PPP1R9A: variants seen among roughly 807,000 people sequenced by gnomAD.
PPP1R9A encodes protein phosphatase 1 regulatory subunit 9A.
PPP1R9A carries 59 observed loss-of-function variants against 141.9 expected under a neutral mutation model. That is an observed-to-expected ratio of 0.42 (90% confidence interval 0.34 to 0.52). PPP1R9A has a LOEUF of 0.52. Ranked by LOEUF, PPP1R9A falls within the 20% of genes least tolerant of loss-of-function variation. The pLI, the probability that PPP1R9A is intolerant of heterozygous loss-of-function variation, is 0.10. For missense variants in PPP1R9A, 1,444 were observed against 1,611.9 expected, an observed-to-expected ratio of 0.90 and a Z score of 1.78; for synonymous variants, 500 against 569.7, an observed-to-expected ratio of 0.88 and a Z score of 1.74.
At chr7:95,050,316 T>G (rs997956374) in intron 2 of PPP1R9A, among the ~76,000 whole-genome samples, 7 of 152,064 alleles carry the variant, frequency 4.6e-5, no homozygotes, top group Admixed American at 2.0e-4. Context: ...TCAAATTGAT[T>G]GTTTTGTTAT....
chr7:95,133,225 A>G (rs1824977194), intron 4 of PPP1R9A, among the ~76,000 whole-genome samples: 2 of 152,094 alleles, frequency 1.3e-5, no homozygotes. Flanking sequence ...AATTGGTTAA[A>G]AGGCATCAAG....
chr7:95,091,337 C>A (rs1337108247), intron 2 of PPP1R9A, among the ~76,000 whole-genome samples: 2 of 75,986 alleles, frequency 2.6e-5, no homozygotes, highest in Non-Finnish European at 4.8e-5. Context: ...TGTTTTAACT[C>A]TTTTTTTTTT....
At chr7:95,106,503 C>T (rs1819534160) in intron 2 of PPP1R9A, among the ~76,000 whole-genome samples, 1 of 152,116 alleles carries the variant, frequency 6.6e-6, no homozygotes, top group Non-Finnish European at 1.5e-5. Flanking sequence ...AGATATACAT[C>T]TCTTCAATCA....
chr7:95,276,910 A>C (rs1160017997), intron 16 of PPP1R9A, among the ~76,000 whole-genome samples: 1 of 152,170 alleles, frequency 6.6e-6, no homozygotes, highest in African/African-American at 2.4e-5. Flanking sequence ...TATAAAACCT[A>C]TCCCAGGAAG....
At chr7:95,097,838 A>C (rs1818246316) in intron 2 of PPP1R9A, among the ~76,000 whole-genome samples, 1 of 152,196 alleles carries the variant, frequency 6.6e-6, no homozygotes, top group African/African-American at 2.4e-5. Flanking sequence ...GGGTCAACCA[A>C]AGAAGCACCG....
chr7:95,096,840 A>T (rs532137995), intron 2 of PPP1R9A, among the ~76,000 whole-genome samples: 1 of 151,866 alleles, frequency 6.6e-6, no homozygotes, highest in East Asian at 1.9e-4. Flanking sequence ...ACTACCCCCA[A>T]CCCGCCTTAT....
intron 2 of PPP1R9A, among the ~76,000 whole-genome samples, chr7:94,917,991 G>A (rs1330995775): frequency 2.0e-5 from 3 of 151,926 alleles, no homozygotes; most frequent in Non-Finnish European, 4.4e-5. Context: ...GTTAGATGTG[G>A]GATAAATTCT....
At chr7:95,076,881 C>T (rs1814933062) in intron 2 of PPP1R9A, among the ~76,000 whole-genome samples, 1 of 151,984 alleles carries the variant, frequency 6.6e-6, no homozygotes, top group Non-Finnish European at 1.5e-5. Flanking sequence ...AGTTACACTG[C>T]TAATCTTTTC....
At position 95,088,363 on chromosome 7, in the gene PPP1R9A, AT is replaced by A. The variant is rs542084732; in HGVS notation, c.1396-22886del. Among the ~76,000 whole-genome samples, 46 of 149,524 alleles carry A rather than the reference AT, an allele frequency of 3.1e-4. 1 individual carries two copies. Among genetic ancestry groups the A allele is most frequent in the East Asian group, 2.2e-3 (11 of 5,112 alleles). Reference sequence around the variant, plus strand: ...TGGTGGTACCCTTATAGGAGACTCCATTTTTTTTTTAAAGGACCATGGTGTT... The same window carrying A: ...TGGTGGTACCCTTATAGGAGACTCCATTTTTTTTTAAAGGACCATGGTGTT... On this transcript the variant is annotated intron_variant, in intron 2 of 19. Coordinates refer to ENST00000433360, the MANE Select transcript of PPP1R9A (RefSeq NM_001166160.2).
intron 2 of PPP1R9A, among the ~76,000 whole-genome samples, chr7:94,942,586 T>G (rs546562080): frequency 1.5e-3 from 221 of 152,172 alleles, no homozygotes; most frequent in African/African-American, 4.2e-3. Flanking sequence ...GTGGATCACC[T>G]GAAGTCAGGA....
chr7:95,133,509 C>T (rs1009818320), intron 4 of PPP1R9A, among the ~76,000 whole-genome samples: 6 of 59,448 alleles, frequency 1.0e-4, no homozygotes, highest in Non-Finnish European at 1.6e-4. Flanking sequence ...ATTATGCAGT[C>T]GTATTATATA....
intron 6 of PPP1R9A, chr7:95,202,702 T>A (rs1563408985): frequency 2.4e-6 from 1 of 412,608 alleles, no homozygotes; most frequent in Admixed American, 6.4e-5. Flanking sequence ...ACTCCACCAC[T>A]ATCAGTTTGT....
At chr7:95,276,350 T>C (rs1244775528) in intron 16 of PPP1R9A, among the ~76,000 whole-genome samples, 1 of 152,202 alleles carries the variant, frequency 6.6e-6, no homozygotes, top group African/African-American at 2.4e-5. Context: ...ATTGTGTTGG[T>C]GAGTGCCTGC....
chr7:95,029,910 G>A (rs1442086582), intron 2 of PPP1R9A, among the ~76,000 whole-genome samples: 1 of 152,190 alleles, frequency 6.6e-6, no homozygotes, highest in Non-Finnish European at 1.5e-5. Context: ...AAGTTTACAT[G>A]TTATTGTTTT....
At position 95,203,721 on chromosome 7, in the gene PPP1R9A, T is replaced by G; in HGVS notation, c.1947T>G (p.Tyr649Ter). ...MSGNCNNNNN[Y>*]FLKTGEYATD... is the part of the protein sequence containing the mutation. ...GCAACTGCAATAACAATAACAACTA[T>G]TTTCTTAAGGTTTGTTTTTTGGTTT... Residue 649 changes from tyrosine (Y) to a stop codon, truncating the protein, a stop_gained, in exon 7 of 20, where the codon TAT (tyrosine) becomes TAG (stop). Transcript: ENST00000433360. LOFTEE classifies it high-confidence loss of function. The G allele has an allele frequency of 6.5e-7, 1 of 1,535,874 alleles. No homozygotes were observed. Among genetic ancestry groups the G allele is most frequent in the South Asian group, 1.2e-5 (1 of 83,922 alleles).
At chr7:94,924,313 T>C (rs979758112) in intron 2 of PPP1R9A, among the ~76,000 whole-genome samples, 11 of 152,202 alleles carry the variant, frequency 7.2e-5, no homozygotes, top group African/African-American at 2.7e-4. Context: ...CCATAGAGAC[T>C]ATGACACTTG....
chr7:95,236,406 C>T (rs539864162), intron 8 of PPP1R9A, among the ~76,000 whole-genome samples: 2 of 151,936 alleles, frequency 1.3e-5, no homozygotes, highest in South Asian at 4.2e-4. Flanking sequence ...TTTTAAGTAC[C>T]TTTCATAATA....
intron 2 of PPP1R9A, among the ~76,000 whole-genome samples, chr7:95,107,394 G>T (rs1392582870): frequency 6.6e-6 from 1 of 151,850 alleles, no homozygotes; most frequent in East Asian, 1.9e-4. Flanking sequence ...AAGTTTTTGG[G>T]CTTTATTTTT....
intron 7 of PPP1R9A, among the ~76,000 whole-genome samples, chr7:95,221,533 A>T (rs1248856369): frequency 6.6e-6 from 1 of 152,054 alleles, no homozygotes; most frequent in African/African-American, 2.4e-5. Flanking sequence ...CAAAAGTTAT[A>T]TGTTTACCAA....
Sources: allele counts gnomAD v4.1 joint callset (sites outside exome capture counted in the v4.1 genomes callset), GRCh38; gene constraint gnomAD v4.1.1; transcripts MANE v1.5; gene names NCBI Gene and HGNC (gene_info 2026-07-23, HGNC 2026-07-21).